ACTR3C: variants seen among roughly 807,000 people sequenced by gnomAD.
The protein encoded by ACTR3C is actin related protein 3C.
ACTR3C carries 18 observed loss-of-function variants against 26.3 expected under a neutral mutation model. The ratio of observed to expected loss-of-function variants is 0.68; its 90% CI spans 0.47 to 1.01. ACTR3C has a LOEUF of 1.01. Among genes scored for constraint, ACTR3C ranks in the 50% least tolerant of loss-of-function variants. The pLI, the probability that ACTR3C is intolerant of heterozygous loss-of-function variation, is 0.00. For synonymous variants in ACTR3C, 55 were observed against 94.5 expected (o/e 0.58, Z 2.42); for missense variants, 184 against 250.7 (o/e 0.73, Z 1.80).
chr7:149,961,259 T>C, the ACTR3C span, among the ~76,000 whole-genome samples: 1 of 150,410 alleles, frequency 6.6e-6, no homozygotes, highest in African/African-American at 2.5e-5. Context: ...GGGAAGTGTA[T>C]ACTCACAGGA....
At chr7:149,959,219 C>T in the ACTR3C span, among the ~76,000 whole-genome samples, 1 of 19,378 alleles carries the variant, frequency 5.2e-5, no homozygotes. Flanking sequence ...GGATAATTAG[C>T]TCGCCCCCCA....
the ACTR3C span, among the ~76,000 whole-genome samples, chr7:149,968,335 G>A: frequency 5.9e-5 from 9 of 152,274 alleles, no homozygotes; most frequent in Admixed American, 5.2e-4. Context: ...CACGAGGTCA[G>A]GAGATCCAGA....
the ACTR3C span, among the ~76,000 whole-genome samples, chr7:149,929,600 C>T: frequency 6.9e-6 from 1 of 145,030 alleles, no homozygotes; most frequent in African/African-American, 2.6e-5. Flanking sequence ...GGCCCGATCT[C>T]GGCTCACTGC....
At chr7:150,004,613 C>T in the ACTR3C span, 1,205 of 152,238 alleles carry the variant, frequency 7.9e-3, 7 homozygotes, top group Middle Eastern at 0.017. Flanking sequence ...GAGCAACCTA[C>T]GGTGGGAAAA....
At chr7:150,007,216 A>G in the ACTR3C span, among the ~76,000 whole-genome samples, 9 of 152,178 alleles carry the variant, frequency 5.9e-5, no homozygotes, top group African/African-American at 2.2e-4. Context: ...GCCAAGTTCC[A>G]TGGCCCCATG....
At chr7:150,137,628 T>C in the ACTR3C span, among the ~76,000 whole-genome samples, 1 of 152,118 alleles carries the variant, frequency 6.6e-6, no homozygotes, top group Non-Finnish European at 1.5e-5. Context: ...CGCTCAGGGG[T>C]CTTTAATAAA....
At chr7:149,995,417 G>A in the ACTR3C span, among the ~76,000 whole-genome samples, 26 of 151,992 alleles carry the variant, frequency 1.7e-4, no homozygotes, top group South Asian at 4.6e-3. Context: ...GACAGGGGAA[G>A]GGATGGAAGG....
intron 6 of ACTR3C, among the ~76,000 whole-genome samples, chr7:150,249,641 G>C (rs1832695390): frequency 6.6e-6 from 1 of 152,134 alleles, no homozygotes; most frequent in Non-Finnish European, 1.5e-5. Context: ...TTTTAGTAGA[G>C]ATGGGGTTTC....
the ACTR3C span, among the ~76,000 whole-genome samples, chr7:150,178,942 T>G: frequency 6.7e-6 from 1 of 150,280 alleles, no homozygotes; most frequent in African/African-American, 2.5e-5. Context: ...GAACAGGTCA[T>G]TCAGTTGGCA....
chr7:150,078,633 A>G, the ACTR3C span, among the ~76,000 whole-genome samples: 1 of 151,742 alleles, frequency 6.6e-6, no homozygotes, highest in Non-Finnish European at 1.5e-5. Context: ...CTTAGATCTG[A>G]GTTGGCCTTA....
chr7:150,042,071 G>C, the ACTR3C span, among the ~76,000 whole-genome samples: 1 of 100,768 alleles, frequency 9.9e-6, no homozygotes, highest in African/African-American at 3.4e-5. Flanking sequence ...GGGGGATGAG[G>C]GTCTGGCTCT....
At chr7:150,032,689 A>G in the ACTR3C span, among the ~76,000 whole-genome samples, 1 of 151,986 alleles carries the variant, frequency 6.6e-6, no homozygotes, top group African/African-American at 2.4e-5. Flanking sequence ...ATATCATGTC[A>G]GCACCACATC....
At chr7:149,972,693 G>A in the ACTR3C span, among the ~76,000 whole-genome samples, 1 of 152,344 alleles carries the variant, frequency 6.6e-6, no homozygotes, top group Middle Eastern at 3.4e-3. Context: ...GCTCATCACT[G>A]CACAGCCAGC....
At chr7:150,170,675 C>T in the ACTR3C span, among the ~76,000 whole-genome samples, 22 of 150,516 alleles carry the variant, frequency 1.5e-4, no homozygotes, top group Non-Finnish European at 3.2e-4. Context: ...AGGGACCCAC[C>T]GTAAATAACA....
At chr7:150,286,922 G>A (rs1286726456) in intron 4 of ACTR3C, among the ~76,000 whole-genome samples, 1 of 152,010 alleles carries the variant, frequency 6.6e-6, no homozygotes, top group African/African-American at 2.4e-5. Flanking sequence ...CTGGACCAGT[G>A]GACCCGTGCT....
intron 1 of ACTR3C, among the ~76,000 whole-genome samples, chr7:150,317,072 CATTT>C (rs35008477): frequency 2.6e-5 from 4 of 151,086 alleles, no homozygotes; most frequent in East Asian, 3.9e-4. Context: ...TTCTTTCCTT[CATTT>C]ATTTATTTAT....
chr7:150,054,293 C>T, the ACTR3C span, among the ~76,000 whole-genome samples: 3 of 152,240 alleles, frequency 2.0e-5, no homozygotes, highest in Admixed American at 6.5e-5. Context: ...CTACTCTCCA[C>T]CCCAGGCCCC....
the ACTR3C span, among the ~76,000 whole-genome samples, chr7:149,887,980 G>A: frequency 2.9e-3 from 434 of 152,142 alleles, 2 homozygotes; most frequent in Non-Finnish European, 3.7e-3. Flanking sequence ...TTGTGGAACT[G>A]TAAGACCAAT....
the ACTR3C span, among the ~76,000 whole-genome samples, chr7:150,198,685 C>T: frequency 6.7e-6 from 1 of 148,734 alleles, no homozygotes; most frequent in Admixed American, 6.6e-5. Flanking sequence ...CCTCTCCGCC[C>T]GGCAGCCACC....
Sources: gnomAD v4.1 joint callset for allele counts (sites outside exome capture counted in the v4.1 genomes callset) on GRCh38, gnomAD v4.1.1 for gene constraint, MANE v1.5 for transcripts, NCBI Gene and HGNC (gene_info 2026-07-23, HGNC 2026-07-21) for gene names.